Variants in DOCK5 observed in about 807,000 individuals in gnomAD.
The protein encoded by DOCK5 is dedicator of cytokinesis protein 5.
DOCK5 carries 142 observed loss-of-function variants against 251.8 expected under a neutral mutation model. That is an observed-to-expected ratio of 0.56 (90% confidence interval 0.49 to 0.65). The LOEUF is 0.65. DOCK5 is among the 30% of genes least tolerant of loss of function. The pLI is 0.00. For synonymous variants in DOCK5, 842 were observed against 835.5 expected (o/e 1.01, Z -0.13); for missense variants, 2,111 against 2,312.3 (o/e 0.91, Z 1.79).
intron 2 of DOCK5, among the ~76,000 whole-genome samples, chr8:25,267,603 T>G (rs1190273534): frequency 6.6e-6 from 1 of 152,178 alleles, no homozygotes; most frequent in African/African-American, 2.4e-5. Context: ...ACCTTATACG[T>G]GTATGCCGTT....
intron 14 of DOCK5, 126 bp from the exon 15 acceptor site, chr8:25,319,452 C>T (rs552961755): frequency 2.0e-5 from 11 of 553,108 alleles, no homozygotes; most frequent in Admixed American, 9.9e-5. Context: ...CTTAATCAGC[C>T]GATCAGTGCC....
rs1361710069 is a variant in DOCK5 at position 25,414,516 on chromosome 8, C to T, written c.*3218C>T. 1.3e-5 allele frequency: 2 copies of T among 152,148 alleles called. No homozygotes were observed. Among genetic ancestry groups the T allele is most frequent in the African/African-American group, 4.8e-5 (2 of 41,430 alleles). 9.4% of individuals were successfully genotyped at this position (152,148 alleles called of 1,614,324 possible). On this transcript the variant is annotated 3_prime_UTR_variant, in exon 52 of 52. Coordinates refer to ENST00000276440, the MANE Select transcript of DOCK5 (RefSeq NM_024940.8). ...AGCAGGCTTTGAGACAACAACCTAC[C>T]TTTGTTTACTCTTTCCAAGCTGGAA... is the stretch of plus-strand genomic sequence containing the variant.
chr8:25,411,104 G>A (rs1801624366), intron 51 of DOCK5, 90 bp from the exon 52 acceptor site: 1 of 1,386,160 alleles, frequency 7.2e-7, no homozygotes, highest in South Asian at 1.6e-5. Flanking sequence ...TCAATTAGAA[G>A]CTAAAGCAGA....
intron 16 of DOCK5, among the ~76,000 whole-genome samples, chr8:25,321,350 C>T (rs1056975465): frequency 4.6e-5 from 7 of 152,132 alleles, no homozygotes; most frequent in African/African-American, 7.2e-5. Flanking sequence ...CCAGTTTTTC[C>T]AAGGACCAGG....
chr8:25,311,800 T>C (rs946198465), intron 13 of DOCK5, among the ~76,000 whole-genome samples: 17 of 151,576 alleles, frequency 1.1e-4, no homozygotes, highest in Non-Finnish European at 2.2e-4. Flanking sequence ...CTGGTGCCTG[T>C]AGTCCCAGCT....
In DOCK5 at chr8:25,403,963, TC is replaced by T. The variant is rs201819299; in HGVS notation, c.5093+240del. ...TACCTATAGTCATTACCTATTTTTT[TC>T]ATCATTTCCATTTTAAAAAATAAAT... On this transcript the variant is annotated intron_variant, in intron 48 of 51. Transcript: ENST00000276440. 3.6e-3 allele frequency among the ~76,000 whole-genome samples: 541 copies of T among 152,352 alleles called. 5 individuals carry two copies. The highest frequency in any genetic ancestry group is 0.033 in the South Asian group (157 of 4,824).
intron 16 of DOCK5, among the ~76,000 whole-genome samples, chr8:25,323,294 G>T (rs956494597): frequency 1.4e-4 from 22 of 152,192 alleles, no homozygotes; most frequent in Admixed American, 1.3e-3. Context: ...CCCTAGAGTA[G>T]AATAAATATC....
intron 2 of DOCK5, among the ~76,000 whole-genome samples, chr8:25,253,225 T>C (rs1803321127): frequency 6.6e-6 from 1 of 152,262 alleles, no homozygotes; most frequent in African/African-American, 2.4e-5. Context: ...ATTCAGTTAT[T>C]CTGTCATGAG....
Position 25,266,467 on chromosome 8 carries a change from A to G in DOCK5, c.128-2378A>G, listed in dbSNP as rs369311269. ...CCTGACCTCGTGATCCGCCCGCCTC[A>G]GCCTCCCAAAGTGCTGGGATTACAG... On this transcript the variant is annotated intron_variant, in intron 2 of 51. Transcript: ENST00000276440. Among the ~76,000 whole-genome samples the G allele has an allele frequency of 6.8e-4, 103 of 151,922 alleles. 4 individuals carry two copies. Among genetic ancestry groups the G allele is most frequent in the African/African-American group, 2.5e-3 (102 of 41,238 alleles).
At chr8:25,231,073 T>TC (rs1289603926) in intron 1 of DOCK5, among the ~76,000 whole-genome samples, 1 of 152,158 alleles carries the variant, frequency 6.6e-6, no homozygotes, top group Middle Eastern at 3.2e-3. Flanking sequence ...TCCTTTTTTT[T>TC]CTGTAGTTTT....
At chr8:25,399,217 C>T (rs17053594) in intron 45 of DOCK5, among the ~76,000 whole-genome samples, 44,493 of 152,024 alleles carry the variant, frequency 0.29, 6,621 homozygotes, top group East Asian at 0.32. Context: ...TATATAAGGC[C>T]TGTGTTTGGA....
chr8:25,229,547 A>G (rs1802616940), intron 1 of DOCK5, among the ~76,000 whole-genome samples: 2 of 152,224 alleles, frequency 1.3e-5, no homozygotes, highest in Admixed American at 1.3e-4. Flanking sequence ...TCATAGAAAT[A>G]CTGATTTACC....
chr8:25,343,845 GC>G (rs1357283838), intron 25 of DOCK5, among the ~76,000 whole-genome samples: 3 of 152,078 alleles, frequency 2.0e-5, no homozygotes, highest in African/African-American at 7.2e-5. Context: ...TCACTCTTTC[GC>G]CCAGGCTGGA....
At chr8:25,378,711 C>T (rs142521623) in intron 38 of DOCK5, among the ~76,000 whole-genome samples, 44 of 152,300 alleles carry the variant, frequency 2.9e-4, no homozygotes, top group East Asian at 7.7e-4. Context: ...TATACATGCT[C>T]GGAGGCATTT....
chr8:25,320,653 A>G (rs1248256228), intron 15 of DOCK5, among the ~76,000 whole-genome samples: 1 of 152,136 alleles, frequency 6.6e-6, no homozygotes, highest in Non-Finnish European at 1.5e-5. Context: ...TTATTACTAT[A>G]TTTATACACA....
intron 13 of DOCK5, among the ~76,000 whole-genome samples, chr8:25,312,056 A>C (rs1488246440): frequency 1.3e-5 from 2 of 152,204 alleles, no homozygotes; most frequent in East Asian, 3.8e-4. Context: ...GTATTTGTGG[A>C]AGGAATGAAT....
chr8:25,242,441 C>T (rs1586257961), intron 1 of DOCK5, among the ~76,000 whole-genome samples: 2 of 152,168 alleles, frequency 1.3e-5, no homozygotes, highest in Admixed American at 6.5e-5. Flanking sequence ...ACCAGCAATG[C>T]GGGAGAGTTC....
intron 40 of DOCK5, among the ~76,000 whole-genome samples, chr8:25,385,203 GAGC>G (rs1801143568): frequency 6.6e-6 from 1 of 152,162 alleles, no homozygotes; most frequent in African/African-American, 2.4e-5. Context: ...TACATCCTGA[GAGC>G]AGTGGGAGCT....
rs775864297 is a variant in DOCK5 at position 25,377,357 on chromosome 8, T to C, written c.3869T>C (p.Val1290Ala). The change falls in exon 38 of 52, where the codon GTT (valine) becomes GCT (alanine). Residue 1290 changes from valine (V) to alanine (A), a missense_variant. By Grantham distance (64) the Val-to-Ala change is moderately conservative. Transcript: ENST00000276440. Reference sequence around the variant, plus strand: ...TTGCTTCAGAAGGACAGTTACTATGTTTATACCCAGCAAGAGCTTAAAGAG... The same window carrying C: ...TTGCTTCAGAAGGACAGTTACTATGCTTATACCCAGCAAGAGCTTAAAGAG... ...PHLLQKDSYY[V>A]YTQQELKEKL... The C allele has an allele frequency of 1.2e-6, 2 of 1,613,886 alleles. No homozygotes were observed. The highest frequency in any genetic ancestry group is 2.2e-5 in the South Asian group (2 of 91,070).
Sources: allele counts gnomAD v4.1 joint callset (sites outside exome capture counted in the v4.1 genomes callset), GRCh38; gene constraint gnomAD v4.1.1; transcripts MANE v1.5; gene names NCBI Gene and HGNC (gene_info 2026-07-23, HGNC 2026-07-21).